SLC9C2: variants seen among roughly 807,000 people sequenced by gnomAD.
The protein encoded by SLC9C2 is solute carrier family 9 member C2 (putative).
In SLC9C2, 75 loss-of-function variants were observed where a neutral mutation model predicts 140.2. That is an observed-to-expected ratio of 0.53 (90% CI 0.44 to 0.65). The LOEUF (loss-of-function observed/expected upper bound fraction) is 0.65. SLC9C2 is among the 30% of genes least tolerant of loss of function. SLC9C2 has a pLI of 0.00. For synonymous variants in SLC9C2, 375 were observed against 420.9 expected, an observed-to-expected ratio of 0.89 and a Z score of 1.34; for missense variants, 1,074 against 1,331.8, an observed-to-expected ratio of 0.81 and a Z score of 3.01.
chr1:173,527,414 T>C (rs1020798544), intron 18 of SLC9C2, among the ~76,000 whole-genome samples: 2 of 152,212 alleles, frequency 1.3e-5, no homozygotes, highest in African/African-American at 4.8e-5. Flanking sequence ...GAGCAGCTAG[T>C]TGGGAAGCCA....
intron 18 of SLC9C2, among the ~76,000 whole-genome samples, 174 bp from the exon 19 acceptor site, chr1:173,526,888 G>A (rs1282120714): frequency 4.0e-5 from 6 of 151,846 alleles, no homozygotes; most frequent in Non-Finnish European, 4.4e-5. Context: ...CTCTGTTGCC[G>A]AGGTTGGAGT....
At chr1:173,501,399 A>G (rs1659255873) in intron 27 of SLC9C2, among the ~76,000 whole-genome samples, 1 of 151,340 alleles carries the variant, frequency 6.6e-6, no homozygotes, top group South Asian at 2.1e-4. Flanking sequence ...TTTATGACTG[A>G]TTGCAGGGCT....
chr1:173,515,275 C>T (rs994959999), intron 23 of SLC9C2, among the ~76,000 whole-genome samples: 3 of 152,098 alleles, frequency 2.0e-5, no homozygotes, highest in African/African-American at 7.2e-5. Flanking sequence ...TTTCATTCTC[C>T]CTGCCTCTTT....
At chr1:173,563,634 T>C (rs1664262827) in intron 9 of SLC9C2, among the ~76,000 whole-genome samples, 1 of 152,208 alleles carries the variant, frequency 6.6e-6, no homozygotes, top group South Asian at 2.1e-4. Flanking sequence ...ATACGGGGCA[T>C]GCAATGCATA....
chr1:173,521,929 G>A (rs1209874896), intron 21 of SLC9C2, among the ~76,000 whole-genome samples: 10 of 151,530 alleles, frequency 6.6e-5, no homozygotes, highest in Admixed American at 2.6e-4. Flanking sequence ...GCCGGGCGCG[G>A]TGGCTTACGC....
chr1:173,597,410 A>AT (rs1289120379), intron 4 of SLC9C2, among the ~76,000 whole-genome samples: 23 of 152,148 alleles, frequency 1.5e-4, no homozygotes, highest in Admixed American at 1.4e-3. Flanking sequence ...AATGAATCAA[A>AT]TATTAATTCA....
intron 9 of SLC9C2, among the ~76,000 whole-genome samples, chr1:173,560,856 G>C (rs1664059198): frequency 6.6e-6 from 1 of 152,022 alleles, no homozygotes; most frequent in Non-Finnish European, 1.5e-5. Context: ...GAGTGCAGTG[G>C]AGTGATCTTG....
chr1:173,551,673 T>C (rs1021784652), intron 11 of SLC9C2, among the ~76,000 whole-genome samples: 3 of 152,208 alleles, frequency 2.0e-5, no homozygotes, highest in East Asian at 1.9e-4. Context: ...TGCACCCACA[T>C]AGGACAACAA....
chr1:173,535,322 A>G (rs1661865486), intron 15 of SLC9C2, among the ~76,000 whole-genome samples: 7 of 152,180 alleles, frequency 4.6e-5, no homozygotes. Context: ...AAAGTATGTA[A>G]GCTCACAATT....
chr1:173,526,613 A>G, intron 19 of SLC9C2, 50 bp downstream of exon 19: 1 of 1,393,310 alleles, frequency 7.2e-7, no homozygotes, highest in Non-Finnish European at 1.0e-6. Context: ...TTATTAAATT[A>G]TAGGACAATA....
chr1:173,601,234 G>A lies in SLC9C2; in HGVS notation c.127+416C>T, dbSNP rs545133619. Among the ~76,000 whole-genome samples the A allele has an allele frequency of 2.8e-4, 42 of 152,200 alleles. 1 individual carries two copies. In the South Asian group the frequency reaches 8.5e-3, roughly 31 times the overall value. On this transcript the variant is annotated intron_variant, in intron 2 of 27. Transcript: ENST00000367714. ...CTGGGCTCTATTTGTGTGTTTGCTC[G>A]CATTGTCCTCCCCTCATCTCAGATA...
intron 13 of SLC9C2, among the ~76,000 whole-genome samples, chr1:173,541,136 T>G (rs6681773): frequency 0.11 from 16,974 of 150,464 alleles, 3,163 homozygotes; most frequent in African/African-American, 0.39. Flanking sequence ...ACACACATAC[T>G]CTCAAAATAA....
At chr1:173,586,797 CAT>C (rs950342900) in intron 5 of SLC9C2, among the ~76,000 whole-genome samples, 1 of 152,152 alleles carries the variant, frequency 6.6e-6, no homozygotes, top group Admixed American at 6.5e-5. Context: ...CCAAACACCA[CAT>C]GTTCTCACTC....
chr1:173,548,682 C>T, intron 11 of SLC9C2, 130 bp from the exon 12 acceptor site: 1 of 927,228 alleles, frequency 1.1e-6, no homozygotes. Flanking sequence ...AGAGCAAGGA[C>T]AATTTTTCAT....
chr1:173,585,294 C>T lies in SLC9C2; in HGVS notation c.524-1672G>A, dbSNP rs113624491. Among the ~76,000 whole-genome samples, 42 of 152,174 alleles carry T rather than the reference C, an allele frequency of 2.8e-4. 1 individual carries two copies. The highest frequency in any genetic ancestry group is 9.6e-4 in the African/African-American group (40 of 41,500). ...TACAGGTTTACAATGCAGATGGGCA[C>T]CTCATCAAAAGAAACACTATTAACA... is the stretch of plus-strand genomic sequence containing the variant. On this transcript the variant is annotated intron_variant, in intron 5 of 27. Transcript: ENST00000367714.
At chr1:173,550,888 G>GAGAGAGAA (rs1663243150) in intron 11 of SLC9C2, among the ~76,000 whole-genome samples, 1 of 85,316 alleles carries the variant, frequency 1.2e-5, no homozygotes, top group Non-Finnish European at 2.5e-5. Context: ...GAGAGAGAGA[G>GAGAGAGAA]AGAGAGAGAG....
chr1:173,569,721 A>G (rs185833903), intron 9 of SLC9C2, among the ~76,000 whole-genome samples: 2 of 152,140 alleles, frequency 1.3e-5, no homozygotes, highest in African/African-American at 4.8e-5. Flanking sequence ...CAAGCAATTC[A>G]GGAGAATCGC....
At chr1:173,524,431 A>G (rs1441945656) in intron 20 of SLC9C2, among the ~76,000 whole-genome samples, 2 of 152,244 alleles carry the variant, frequency 1.3e-5, no homozygotes, top group Non-Finnish European at 2.9e-5. Flanking sequence ...TGGAGAATCT[A>G]GAAAGCTTTC....
At chr1:173,570,799 T>C (rs987594300) in intron 9 of SLC9C2, among the ~76,000 whole-genome samples, 18 of 152,162 alleles carry the variant, frequency 1.2e-4, no homozygotes, top group African/African-American at 4.1e-4. Context: ...TGCTTTCCAC[T>C]GTCACAGGGC....
Sources: gnomAD v4.1 joint callset for allele counts (sites outside exome capture counted in the v4.1 genomes callset) on GRCh38, gnomAD v4.1.1 for gene constraint, MANE v1.5 for transcripts, NCBI Gene and HGNC (gene_info 2026-07-23, HGNC 2026-07-21) for gene names.